LRRC37A2: variants seen among roughly 807,000 people sequenced by gnomAD.
The protein encoded by LRRC37A2 is leucine-rich repeat-containing protein 37A2.
In LRRC37A2, 9 loss-of-function variants were observed where a neutral mutation model predicts 68.8. The ratio of observed to expected loss-of-function variants is 0.13; its 90% CI spans 0.08 to 0.23. The LOEUF (loss-of-function observed/expected upper bound fraction) is 0.23, where lower values mean the gene tolerates loss of function less well. LRRC37A2 is among the 10% of genes least tolerant of loss of function. The pLI is 1.00. For missense variants in LRRC37A2, 168 were observed against 950.4 expected (o/e 0.18, Z 10.82); for synonymous variants, 63 against 367.6 (o/e 0.17, Z 9.48).
the LRRC37A2 span, among the ~76,000 whole-genome samples, chr17:46,655,555 CTT>C: frequency 2.0e-5 from 1 of 50,138 alleles, no homozygotes; most frequent in Non-Finnish European, 3.4e-5. Context: ...TTCTGTAAAA[CTT>C]CTCTTTGTTG....
At chr17:47,030,923 TGAA>T in the LRRC37A2 span, among the ~76,000 whole-genome samples, 1 of 152,056 alleles carries the variant, frequency 6.6e-6, no homozygotes, top group Non-Finnish European at 1.5e-5. Flanking sequence ...GATGATGAAT[TGAA>T]TAGAGCCTAA....
the LRRC37A2 span, among the ~76,000 whole-genome samples, chr17:47,001,938 A>C: frequency 6.6e-6 from 1 of 151,848 alleles, no homozygotes; most frequent in African/African-American, 2.4e-5. Flanking sequence ...ATTTAGTACA[A>C]ATGTTGGCCA....
the LRRC37A2 span, chr17:46,872,397 C>A: frequency 0.032 from 43,532 of 1,348,408 alleles, 907 homozygotes; most frequent in African/African-American, 0.1. Flanking sequence ...GGACCTCCAG[C>A]GGGTCAGCCT....
the LRRC37A2 span, chr17:46,886,704 C>A: frequency 1.3e-5 from 2 of 152,216 alleles, no homozygotes; most frequent in African/African-American, 4.8e-5. Flanking sequence ...ATTCTAGAAT[C>A]ATGAATAAAA....
the LRRC37A2 span, among the ~76,000 whole-genome samples, chr17:46,715,807 C>G: frequency 6.3e-3 from 965 of 152,196 alleles, 12 homozygotes; most frequent in African/African-American, 0.022. Context: ...ATTGTTGAAG[C>G]CTTTCAAGGT....
chr17:47,015,808 A>G, the LRRC37A2 span, among the ~76,000 whole-genome samples: 2 of 152,226 alleles, frequency 1.3e-5, no homozygotes, highest in Non-Finnish European at 2.9e-5. Flanking sequence ...AAAACCCACC[A>G]AGGAGACTTC....
chr17:46,544,069 A>ATT lies in LRRC37A2; in HGVS notation c.3054-2185_3054-2184dup, dbSNP rs2055915873. 3.2e-5 allele frequency among the ~76,000 whole-genome samples: 4 copies of ATT among 125,542 alleles called. No individual in the cohort carries two copies. The South Asian group carries it at 1.0e-3, about 31-fold the overall frequency. 82.4% of individuals were successfully genotyped at this position (125,542 alleles called of 152,430 possible). Reference sequence around the variant, plus strand: ...GAGACAGAGGCTGCAGTGAGCCAAGATTGCACCACTGCACTCAGCCTGTGT... The same window carrying ATT: ...GAGACAGAGGCTGCAGTGAGCCAAGATTTTGCACCACTGCACTCAGCCTGTGT... On this transcript the variant is annotated intron_variant, in intron 8 of 14. Coordinates refer to ENST00000576629, the Ensembl canonical transcript of LRRC37A2.
At chr17:46,609,233 C>T in the LRRC37A2 span, among the ~76,000 whole-genome samples, 5 of 148,682 alleles carry the variant, frequency 3.4e-5, no homozygotes, top group Non-Finnish European at 4.4e-5. Context: ...GAGCCAAACA[C>T]GTACAATGTA....
chr17:47,037,597 G>GT, the LRRC37A2 span, among the ~76,000 whole-genome samples: 2 of 152,178 alleles, frequency 1.3e-5, no homozygotes, highest in African/African-American at 4.8e-5. Flanking sequence ...TGTGTGTGAT[G>GT]TCTTTAGTTT....
chr17:46,768,939 T>A, the LRRC37A2 span: 1 of 1,323,108 alleles, frequency 7.6e-7, no homozygotes, highest in Non-Finnish European at 1.0e-6. This position sits in a 1 kb window ranked among gnomAD's most constrained non-coding sequence, Gnocchi z 5.0. Flanking sequence ...TGATGGGGAC[T>A]GAGGCAAGAC....
chr17:46,904,630 G>A, the LRRC37A2 span, among the ~76,000 whole-genome samples: 1 of 152,250 alleles, frequency 6.6e-6, no homozygotes, highest in South Asian at 2.1e-4. Flanking sequence ...ATGAATGAAT[G>A]TGTGGATGGA....
At chr17:46,960,885 A>G in the LRRC37A2 span, among the ~76,000 whole-genome samples, 2 of 152,234 alleles carry the variant, frequency 1.3e-5, no homozygotes, top group Non-Finnish European at 2.9e-5. Flanking sequence ...AAGTGGCAGC[A>G]TGAAGGAGTA....
the LRRC37A2 span, among the ~76,000 whole-genome samples, chr17:46,807,309 C>G: frequency 1.3e-5 from 2 of 152,160 alleles, no homozygotes; most frequent in African/African-American, 4.8e-5. Flanking sequence ...ATGGTGAAAT[C>G]CTATCTCTAC....
chr17:46,978,912 C>A, the LRRC37A2 span: 1 of 1,473,656 alleles, frequency 6.8e-7, no homozygotes, highest in South Asian at 1.3e-5. Flanking sequence ...GCCACGTGCC[C>A]AGCCCGTGGG....
the LRRC37A2 span, among the ~76,000 whole-genome samples, chr17:46,708,638 C>G: frequency 6.8e-6 from 1 of 147,766 alleles, no homozygotes; most frequent in African/African-American, 2.5e-5. Flanking sequence ...ATTGTAGGCA[C>G]CCATCACCAT....
the LRRC37A2 span, chr17:46,886,010 G>C: frequency 6.6e-6 from 1 of 152,268 alleles, no homozygotes; most frequent in Non-Finnish European, 1.5e-5. Flanking sequence ...CTGATCCCTG[G>C]GAGAGACGGC....
chr17:46,929,675 T>G, the LRRC37A2 span: 1 of 757,928 alleles, frequency 1.3e-6, no homozygotes, highest in South Asian at 1.4e-5. Context: ...CCTTGGGGGC[T>G]TAATGATTCA....
chr17:46,872,513 C>T, the LRRC37A2 span: 18 of 1,535,590 alleles, frequency 1.2e-5, no homozygotes, highest in Non-Finnish European at 1.6e-5. Context: ...CTCGCTCTCT[C>T]TAGCCTGACC....
the LRRC37A2 span, among the ~76,000 whole-genome samples, chr17:46,830,195 C>T: frequency 1.3e-5 from 2 of 152,176 alleles, no homozygotes; most frequent in African/African-American, 2.4e-5. Context: ...GCCTCCCCAC[C>T]CCCACACCCA....
Sources: gnomAD v4.1 joint callset for allele counts (sites outside exome capture counted in the v4.1 genomes callset) on GRCh38, gnomAD v4.1.1 for gene constraint, Gnocchi (gnomAD v3.1) non-coding constraint, MANE v1.5 for transcripts, NCBI Gene and HGNC (gene_info 2026-07-23, HGNC 2026-07-21) for gene names.